Variants in LARGE1 observed in about 807,000 individuals in gnomAD.
LARGE1 encodes xylosyl- and glucuronyltransferase LARGE1.
A neutral mutation model predicts 87.6 loss-of-function variants in LARGE1; 43 were observed. The ratio of observed to expected loss-of-function variants is 0.49; its 90% CI spans 0.38 to 0.63. The LOEUF (loss-of-function observed/expected upper bound fraction) is 0.63. Among genes scored for constraint, LARGE1 ranks in the 30% least tolerant of loss-of-function variants. LARGE1 has a pLI of 0.00. For synonymous variants in LARGE1, 434 were observed against 394.6 expected, an observed-to-expected ratio of 1.10 and a Z score of -1.18; for missense variants, 802 against 1,000.2, an observed-to-expected ratio of 0.80 and a Z score of 2.67.
intron 7 of LARGE1, among the ~76,000 whole-genome samples, chr22:33,391,120 C>T (rs1232703878): frequency 2.6e-5 from 4 of 152,178 alleles, no homozygotes; most frequent in Non-Finnish European, 5.9e-5. Flanking sequence ...TGTGAGCCAC[C>T]GTGCCCAGCC....
chr22:33,916,294 AAAACAAAC>A (rs757391744), intron 1 of LARGE1, among the ~76,000 whole-genome samples: 1 of 152,012 alleles, frequency 6.6e-6, no homozygotes, highest in Non-Finnish European at 1.5e-5. Context: ...AAAAAAAGAA[AAAACAAAC>A]AAACAAACAA....
At chr22:33,836,125 A>C (rs1030042690) in intron 1 of LARGE1, among the ~76,000 whole-genome samples, 3 of 152,230 alleles carry the variant, frequency 2.0e-5, no homozygotes, top group African/African-American at 7.2e-5. Context: ...ACTAGAGTGC[A>C]GTCCAGTTCA....
At chr22:33,513,454 A>G (rs1338017526) in intron 6 of LARGE1, among the ~76,000 whole-genome samples, 2 of 152,088 alleles carry the variant, frequency 1.3e-5, no homozygotes. Context: ...CCTGTTCCAG[A>G]CTGTTATATG....
the LARGE1 span, among the ~76,000 whole-genome samples, chr22:33,152,075 T>C: frequency 0.13 from 19,796 of 152,256 alleles, 1,361 homozygotes; most frequent in East Asian, 0.27. Context: ...AATTCTCTTT[T>C]TGGAAGATTT....
downstream of LARGE1, among the ~76,000 whole-genome samples, chr22:33,161,163 T>A (rs1385847081): frequency 6.6e-6 from 1 of 152,004 alleles, no homozygotes; most frequent in Non-Finnish European, 1.5e-5. Context: ...AACCATCAGA[T>A]CTTGTGAGAA....
intron 6 of LARGE1, among the ~76,000 whole-genome samples, chr22:33,462,258 A>G (rs966548635): frequency 2.0e-5 from 3 of 152,204 alleles, no homozygotes; most frequent in Admixed American, 2.0e-4. Flanking sequence ...CTGAGAGAAA[A>G]TAAGTGTCAA....
At chr22:33,843,445 AAAT>A (rs1370075734) in intron 1 of LARGE1, among the ~76,000 whole-genome samples, 1 of 150,706 alleles carries the variant, frequency 6.6e-6, no homozygotes, top group African/African-American at 2.4e-5. Context: ...TCAAAAAAAT[AAAT>A]AAATAAATAA....
At chr22:33,556,034 C>CT (rs1482605867) in intron 6 of LARGE1, among the ~76,000 whole-genome samples, 1 of 152,154 alleles carries the variant, frequency 6.6e-6, no homozygotes. Flanking sequence ...ATGCTGCTCC[C>CT]TCTAAGTGAG....
chr22:33,592,734 A>G (rs2078876114), intron 5 of LARGE1, among the ~76,000 whole-genome samples: 1 of 152,178 alleles, frequency 6.6e-6, no homozygotes, highest in Non-Finnish European at 1.5e-5. Flanking sequence ...ATTCCTGAAT[A>G]TTCATTTTGA....
At chr22:33,813,607 G>A (rs1268626897) in intron 1 of LARGE1, among the ~76,000 whole-genome samples, 2 of 152,138 alleles carry the variant, frequency 1.3e-5, no homozygotes, top group African/African-American at 4.8e-5. Flanking sequence ...TACAGCTTCT[G>A]TTCGGCCTCG....
chr22:33,637,392 G>A (rs965556477), intron 3 of LARGE1, among the ~76,000 whole-genome samples: 3 of 152,142 alleles, frequency 2.0e-5, no homozygotes, highest in Admixed American at 6.5e-5. Flanking sequence ...GCACAGACAG[G>A]GGGCTGGCAG....
At chr22:33,805,436 G>A (rs913646409) in intron 1 of LARGE1, among the ~76,000 whole-genome samples, 1 of 152,060 alleles carries the variant, frequency 6.6e-6, no homozygotes, top group African/African-American at 2.4e-5. Flanking sequence ...TTCATTCAGA[G>A]TAAAGACTCA....
chr22:33,860,568 G>A (rs549018391), intron 1 of LARGE1, among the ~76,000 whole-genome samples: 1 of 152,200 alleles, frequency 6.6e-6, no homozygotes, highest in South Asian at 2.1e-4. Flanking sequence ...AGCAAGCATG[G>A]CCTGAGGAAA....
At chr22:33,451,832 C>T (rs1161166379) in intron 6 of LARGE1, among the ~76,000 whole-genome samples, 1 of 152,036 alleles carries the variant, frequency 6.6e-6, no homozygotes, top group Non-Finnish European at 1.5e-5. Flanking sequence ...GTTGGGATTA[C>T]AGGCGTGAGC....
intron 4 of LARGE1, among the ~76,000 whole-genome samples, chr22:33,605,958 C>A (rs755754446): frequency 6.6e-6 from 1 of 152,014 alleles, no homozygotes; most frequent in Non-Finnish European, 1.5e-5. Flanking sequence ...AGGACTTTGA[C>A]AAGAGAAGAA....
In LARGE1 at chr22:33,529,325, C is replaced by T. The variant is rs139277044; in HGVS notation, c.787+35523G>A. ...ATGTGTCCCTCAGGTTGAACCAGCA[C>T]AACATAGTTGTGACTGGGGTGCATC... On this transcript the variant is annotated intron_variant, in intron 6 of 14. Transcript: ENST00000397394. Among the ~76,000 whole-genome samples, 5 of 152,304 alleles carry T rather than the reference C, an allele frequency of 3.3e-5. No homozygotes were observed. In the East Asian group the frequency reaches 9.7e-4, roughly 29 times the overall value.
chr22:33,595,901 G>A (rs147266078), intron 5 of LARGE1, among the ~76,000 whole-genome samples: 34 of 152,304 alleles, frequency 2.2e-4, no homozygotes, highest in Admixed American at 1.9e-3. Context: ...TAATGCTCAG[G>A]TGGACCAATG....
At chr22:33,653,256 T>C (rs1215907876) in intron 2 of LARGE1, among the ~76,000 whole-genome samples, 1 of 152,174 alleles carries the variant, frequency 6.6e-6, no homozygotes, top group Non-Finnish European at 1.5e-5. Context: ...TAAGTAGTAA[T>C]AGTTATCCCT....
At chr22:33,283,455 A>C in intron 12 of LARGE1, 107 bp from the exon 13 acceptor site, 1 of 1,235,942 alleles carries the variant, frequency 8.1e-7, no homozygotes, top group Non-Finnish European at 1.2e-6. Flanking sequence ...GTGGGAAAGA[A>C]AGCTCAGGTC....
Sources: allele counts gnomAD v4.1 joint callset (sites outside exome capture counted in the v4.1 genomes callset), GRCh38; gene constraint gnomAD v4.1.1; transcripts MANE v1.5; gene names NCBI Gene and HGNC (gene_info 2026-07-23, HGNC 2026-07-21).